The following CRADD variants were observed in gnomAD, a reference collection of about 807,000 sequenced individuals.
CRADD encodes CARD and death domain containing adaptor protein.
In CRADD, 9 loss-of-function variants were observed where a neutral mutation model predicts 15.5. The observed-to-expected ratio is 0.58, with a 90% CI of 0.35 to 1.01. The LOEUF is 1.01. Ranked by LOEUF, CRADD falls within the 50% of genes least tolerant of loss-of-function variation. The probability of loss-of-function intolerance (pLI) is 0.02; values close to 1 mark genes in which losing one functional copy is unlikely to be tolerated. For missense variants in CRADD, 227 were observed against 250.3 expected (o/e 0.91, Z 0.63); for synonymous variants, 118 against 107.6 (o/e 1.10, Z -0.60).
chr12:93,884,670 C>T (rs575134289), intron 2 of CRADD, among the ~76,000 whole-genome samples: 2 of 152,256 alleles, frequency 1.3e-5, no homozygotes, highest in East Asian at 3.9e-4. Flanking sequence ...AATTATTTTC[C>T]CTTTTTCCTT....
At chr12:93,744,839 C>T (rs1461059458) in intron 2 of CRADD, among the ~76,000 whole-genome samples, 1 of 152,182 alleles carries the variant, frequency 6.6e-6, no homozygotes, top group Non-Finnish European at 1.5e-5. Flanking sequence ...TTCTACCTTG[C>T]AAAATCTTCC....
At position 93,797,789 on chromosome 12, in the gene CRADD, TA is replaced by T. The variant is rs1202148633; in HGVS notation, c.299-52176del. Reference sequence around the variant, plus strand: ...CATAATTATATATCAATAGCAATATTAAAAATAAAGACAAAAGGACACATTC... The same window carrying T: ...CATAATTATATATCAATAGCAATATTAAAATAAAGACAAAAGGACACATTC... On this transcript the variant is annotated intron_variant, in intron 2 of 2. Coordinates refer to ENST00000332896, the MANE Select transcript of CRADD (RefSeq NM_003805.5). 2.6e-5 allele frequency among the ~76,000 whole-genome samples: 4 copies of T among 152,294 alleles called. No individual in the cohort carries two copies. The South Asian group carries it at 8.3e-4, about 32-fold the overall frequency.
At chr12:93,775,876 A>T (rs12818667) in intron 2 of CRADD, among the ~76,000 whole-genome samples, 1 of 151,584 alleles carries the variant, frequency 6.6e-6, no homozygotes, top group South Asian at 2.1e-4. Flanking sequence ...GTTTCAGAGG[A>T]CTCTAGGACG....
At chr12:93,712,381 A>G (rs976362106) in intron 2 of CRADD, among the ~76,000 whole-genome samples, 3 of 152,202 alleles carry the variant, frequency 2.0e-5, no homozygotes, top group Admixed American at 6.5e-5. Flanking sequence ...CAGCATTTAC[A>G]TATCTTTTTT....
intron 2 of CRADD, chr12:93,826,922 A>G (rs1957830528): frequency 6.6e-6 from 1 of 152,234 alleles, no homozygotes; most frequent in African/African-American, 2.4e-5. Flanking sequence ...CCTAATAATT[A>G]GATGAAAACT....
At chr12:93,863,597 TGTGTGTGTGTGTG>T (rs1232239628) in intron 2 of CRADD, among the ~76,000 whole-genome samples, 2 of 8,820 alleles carry the variant, frequency 2.3e-4, no homozygotes, top group Non-Finnish European at 4.0e-4. Context: ...TGGAGGCATT[TGTGTGTGTGTGTG>T]TGTGTGTGTG....
intron 2 of CRADD, among the ~76,000 whole-genome samples, chr12:93,892,095 T>C (rs540003084): frequency 2.0e-5 from 3 of 152,268 alleles, no homozygotes; most frequent in South Asian, 4.2e-4. Flanking sequence ...GTGGGAGATA[T>C]ACGTTGTGCA....
At chr12:93,682,348 C>T (rs1464397088) in intron 2 of CRADD, among the ~76,000 whole-genome samples, 1 of 152,186 alleles carries the variant, frequency 6.6e-6, no homozygotes, top group Non-Finnish European at 1.5e-5. Context: ...ACACATTAAA[C>T]TCTTCCTACC....
intron 2 of CRADD, among the ~76,000 whole-genome samples, chr12:93,684,516 G>A (rs534237934): frequency 1.3e-5 from 2 of 152,252 alleles, no homozygotes; most frequent in Admixed American, 6.5e-5. Context: ...GCCACGGACC[G>A]GTATGGGAGT....
At chr12:93,757,764 G>A (rs1956907587) in intron 2 of CRADD, among the ~76,000 whole-genome samples, 2 of 152,162 alleles carry the variant, frequency 1.3e-5, no homozygotes, top group Admixed American at 6.5e-5. Context: ...TTAGGAGGAG[G>A]AAGGGTAGGG....
At chr12:93,707,451 G>T (rs545892792) in intron 2 of CRADD, among the ~76,000 whole-genome samples, 2 of 152,150 alleles carry the variant, frequency 1.3e-5, no homozygotes, top group South Asian at 2.1e-4. Flanking sequence ...TCAGATGTCT[G>T]GTGCCTTGAC....
rs1475491898 is a variant in CRADD at position 93,679,124 on chromosome 12, C to G, written c.298+52C>G. On this transcript the variant is annotated intron_variant, in intron 2 of 2. Coordinates refer to ENST00000332896, the MANE Select transcript of CRADD (RefSeq NM_003805.5). ...CCAGCTCCAAAATGTTGTAACTATG[C>G]TCTTTGCTTTTTTGTTTATTTGTTT... 4 of 1,414,418 alleles carry G rather than the reference C, an allele frequency of 2.8e-6. No individual in the cohort carries two copies. In the African/African-American group the frequency reaches 4.3e-5, roughly 15 times the overall value. The allele number at this position is 1,414,418 out of a possible 1,614,324, so 87.6% of individuals were successfully genotyped here.
chr12:93,845,937 C>A (rs1383934599), intron 2 of CRADD, among the ~76,000 whole-genome samples: 1 of 152,162 alleles, frequency 6.6e-6, no homozygotes, highest in African/African-American at 2.4e-5. Context: ...AACAATAATT[C>A]CCCATTTCTC....
intron 2 of CRADD, among the ~76,000 whole-genome samples, chr12:93,890,836 C>T (rs1958571240): frequency 6.6e-6 from 1 of 151,082 alleles, no homozygotes; most frequent in African/African-American, 2.4e-5. Context: ...TGGCTCACTG[C>T]AGCCTCCACC....
chr12:93,832,157 A>G (rs1296429324), intron 2 of CRADD, among the ~76,000 whole-genome samples: 5 of 152,204 alleles, frequency 3.3e-5, no homozygotes, highest in African/African-American at 7.2e-5. Flanking sequence ...TAATATGTCA[A>G]TCACCATATC....
At chr12:93,890,007 C>T (rs1958565512) in intron 2 of CRADD, among the ~76,000 whole-genome samples, 1 of 152,230 alleles carries the variant, frequency 6.6e-6, no homozygotes. Flanking sequence ...CTCTTCCTCA[C>T]CCCATACATA....
intron 2 of CRADD, among the ~76,000 whole-genome samples, chr12:93,701,880 T>G (rs1337039223): frequency 1.3e-5 from 2 of 152,148 alleles, no homozygotes; most frequent in Non-Finnish European, 2.9e-5. Context: ...TAATCTCTGC[T>G]TCTCAAAATC....
rs1339975421 is a variant in CRADD, at chr12:93,813,365, C to A, written c.299-36605C>A. ...CTAAATGTTGCATTTGTGCCCTTATCTTCCACAACTTCTTTCTTGGCAGCT... is the reference window on the plus strand; with the variant it reads ...CTAAATGTTGCATTTGTGCCCTTATATTCCACAACTTCTTTCTTGGCAGCT... On this transcript the variant is annotated intron_variant, in intron 2 of 2. Coordinates refer to ENST00000332896, the MANE Select transcript of CRADD (RefSeq NM_003805.5). Among the ~76,000 whole-genome samples, 5 of 152,238 alleles carry A rather than the reference C, an allele frequency of 3.3e-5. No homozygotes were observed. The East Asian group carries it at 9.6e-4, about 29-fold the overall frequency.
intron 2 of CRADD, among the ~76,000 whole-genome samples, chr12:93,755,335 C>T (rs1956877429): frequency 6.6e-6 from 1 of 152,156 alleles, no homozygotes; most frequent in Non-Finnish European, 1.5e-5. Flanking sequence ...TAGAAGGCCA[C>T]ATGTCAGCAG....
Sources: gnomAD v4.1 joint callset for allele counts (sites outside exome capture counted in the v4.1 genomes callset) on GRCh38, gnomAD v4.1.1 for gene constraint, MANE v1.5 for transcripts, NCBI Gene and HGNC (gene_info 2026-07-23, HGNC 2026-07-21) for gene names.